The following CDA variants were observed in gnomAD, a reference collection of about 807,000 sequenced individuals.
The protein encoded by CDA is cytidine aminohydrolase.
In CDA, 7 loss-of-function variants were observed where a neutral mutation model predicts 15.0. That is an observed-to-expected ratio of 0.47 (90% CI 0.26 to 0.87). The LOEUF is 0.87. CDA is among the 40% of genes least tolerant of loss of function. The probability of loss-of-function intolerance (pLI) is 0.15; values close to 1 mark genes in which losing one functional copy is unlikely to be tolerated. For missense variants in CDA, 159 were observed against 182.7 expected, an observed-to-expected ratio of 0.87 and a Z score of 0.75; for synonymous variants, 58 against 73.0, an observed-to-expected ratio of 0.79 and a Z score of 1.05.
intron 1 of CDA, among the ~76,000 whole-genome samples, chr1:20,593,718 G>A (rs1557545276): frequency 6.6e-6 from 1 of 152,194 alleles, no homozygotes; most frequent in South Asian, 2.1e-4. Context: ...GGGACTACAG[G>A]TATGTACCAC....
Position 20,589,165 on chromosome 1 carries a change from T to G in CDA, c.36T>G (p.Pro12=), listed in dbSNP as rs2052525687. The G allele has an allele frequency of 1.2e-6, 2 of 1,614,006 alleles. No individual in the cohort carries two copies. The highest frequency in any genetic ancestry group is 1.3e-5 in the African/African-American group (1 of 74,914). Reference sequence around the variant, plus strand: ...AGCGTCCTGCCTGCACCCTGAAGCCTGAGTGTGTCCAGCAGCTGCTGGTTT... The same window carrying G: ...AGCGTCCTGCCTGCACCCTGAAGCCGGAGTGTGTCCAGCAGCTGCTGGTTT... The part of the protein sequence containing the change: ...AQKRPACTLK[P]ECVQQLLVCS... The change falls in exon 1 of 4, where the codon CCT becomes CCG. Residue 12 remains proline, a synonymous_variant. Transcript: ENST00000375071.
chr1:20,602,001 G>T (rs1242686451), intron 1 of CDA, among the ~76,000 whole-genome samples: 1 of 151,934 alleles, frequency 6.6e-6, no homozygotes, highest in East Asian at 1.9e-4. Context: ...TATACCTGTG[G>T]TACCAACTAC....
intron 2 of CDA, among the ~76,000 whole-genome samples, chr1:20,608,103 G>A (rs2052710968): frequency 6.6e-6 from 1 of 152,214 alleles, no homozygotes; most frequent in African/African-American, 2.4e-5. Context: ...GGGCAGGGTA[G>A]AGGGAGAAAG....
rs1314131378 is a variant in CDA, at chr1:20,613,697, A to G, written c.267-145A>G. ...CCACCACGTGGCCTTCTCAGCCTTC[A>G]GGACACAGTGGATCTGTGAATCAGG... On this transcript the variant is annotated intron_variant, in intron 2 of 3. Coordinates refer to ENST00000375071, the MANE Select transcript of CDA (RefSeq NM_001785.3). 10 of 763,024 alleles carry G rather than the reference A, an allele frequency of 1.3e-5. No homozygotes were observed. The African/African-American group carries it at 1.5e-4, about 12-fold the overall frequency. The allele number at this position is 763,024 out of a possible 1,614,324, so 47.3% of individuals were successfully genotyped here.
intron 3 of CDA, among the ~76,000 whole-genome samples, chr1:20,615,811 G>A (rs1474461123): frequency 1.7e-4 from 26 of 152,068 alleles, no homozygotes; most frequent in Non-Finnish European, 3.7e-4. Flanking sequence ...AACCAGCCTG[G>A]GCCACATAGT....
chr1:20,602,423 T>G (rs12022958), intron 1 of CDA, among the ~76,000 whole-genome samples: 24,726 of 151,928 alleles, frequency 0.16, 2,493 homozygotes, highest in Middle Eastern at 0.23. Context: ...TCATGGTTTT[T>G]TTTTTTTCGT....
At chr1:20,590,539 G>A (rs1017035641) in intron 1 of CDA, among the ~76,000 whole-genome samples, 1 of 152,138 alleles carries the variant, frequency 6.6e-6, no homozygotes, top group Non-Finnish European at 1.5e-5. Flanking sequence ...TCTTTCGAAA[G>A]CCTCCACATC....
intron 2 of CDA, 72 bp downstream of exon 2, chr1:20,605,111 T>C: frequency 1.2e-6 from 1 of 864,716 alleles, no homozygotes; most frequent in Non-Finnish European, 1.9e-6. Flanking sequence ...CACATATTAT[T>C]CATTCATTCA....
At position 20,615,581 on chromosome 1, in the gene CDA, C is replaced by T. The variant is rs188047106; in HGVS notation, c.324+1682C>T. On this transcript the variant is annotated intron_variant, in intron 3 of 3. Transcript: ENST00000375071. ...GGGAAGGTTTTCATGTTTATATGTA[C>T]GTTTGGGGAAAGGGGAATGTCAGTA... is the stretch of plus-strand genomic sequence containing the variant. Among the ~76,000 whole-genome samples the T allele has an allele frequency of 6.6e-5, 10 of 151,692 alleles. No homozygotes were observed. The East Asian group carries it at 1.9e-3, about 29-fold the overall frequency.
chr1:20,594,952 C>G (rs1265622205), intron 1 of CDA, among the ~76,000 whole-genome samples: 6 of 152,108 alleles, frequency 3.9e-5, no homozygotes, highest in Non-Finnish European at 7.4e-5. Context: ...CACCTGTAAC[C>G]CTAGGGGCAC....
At chr1:20,599,642 T>TAAAATAAAAC (rs2052623338) in intron 1 of CDA, among the ~76,000 whole-genome samples, 1 of 149,734 alleles carries the variant, frequency 6.7e-6, no homozygotes, top group South Asian at 2.1e-4. Context: ...TAAAATAAAA[T>TAAAATAAAAC]AAAATAAAAC....
intron 1 of CDA, among the ~76,000 whole-genome samples, chr1:20,591,801 T>C (rs2052550302): frequency 6.6e-6 from 1 of 152,150 alleles, no homozygotes; most frequent in African/African-American, 2.4e-5. Context: ...ACCCTTCACC[T>C]TTCTGAGTGT....
intron 2 of CDA, among the ~76,000 whole-genome samples, chr1:20,607,817 G>A (rs1317530477): frequency 6.6e-6 from 1 of 152,186 alleles, no homozygotes; most frequent in African/African-American, 2.4e-5. Flanking sequence ...GGATGAATGA[G>A]AAGTACCAGC....
chr1:20,613,795 C>CA (rs1385473584), intron 2 of CDA, 47 bp from the exon 3 acceptor site: 1 of 1,561,048 alleles, frequency 6.4e-7, no homozygotes, highest in African/African-American at 1.4e-5. Flanking sequence ...CAATTGTCCT[C>CA]AGTCCTTGGG....
At chr1:20,613,969 G>C (rs1252039005) in intron 3 of CDA, 70 bp downstream of exon 3, 3 of 1,439,396 alleles carry the variant, frequency 2.1e-6, no homozygotes, top group Non-Finnish European at 2.0e-6. Context: ...GCCACGCCAA[G>C]TTGCAGGCAT....
chr1:20,598,746 G>A (rs2052611597), intron 1 of CDA, among the ~76,000 whole-genome samples: 1 of 152,106 alleles, frequency 6.6e-6, no homozygotes, highest in African/African-American at 2.4e-5. Context: ...TCTAAACCTG[G>A]TTATCTCACA....
rs202011087 is a variant in CDA at position 20,589,245 on chromosome 1, G to C, written c.116G>C (p.Gly39Ala). 3.1e-6 allele frequency: 5 copies of C among 1,613,890 alleles called. No individual in the cohort carries two copies. In the East Asian group the frequency reaches 1.1e-4, roughly 36 times the overall value. ...TGCCCCTACAGTCACTTTCCTGTGG[G>C]GGCTGCCCTGCTCACCCAGGAGGGG... ...AYCPYSHFPV[G>A]AALLTQEGRI... is the part of the protein sequence containing the mutation. The change falls in exon 1 of 4, where the codon GGG becomes GCG. Residue 39 changes from glycine (G) to alanine (A), a missense_variant. Gly to Ala is a moderately conservative substitution (Grantham distance 60, BLOSUM62 0). Coordinates refer to ENST00000375071, the MANE Select transcript of CDA (RefSeq NM_001785.3).
intron 2 of CDA, among the ~76,000 whole-genome samples, chr1:20,607,250 G>A (rs2052702010): frequency 6.6e-6 from 1 of 152,198 alleles, no homozygotes; most frequent in Admixed American, 6.5e-5. Flanking sequence ...CCTACACTTT[G>A]CCTCAGTCTG....
chr1:20,600,559 C>T (rs1249591232), intron 1 of CDA, among the ~76,000 whole-genome samples: 1 of 152,002 alleles, frequency 6.6e-6, no homozygotes, highest in Non-Finnish European at 1.5e-5. Flanking sequence ...AGTTCAAGAC[C>T]AGCCTGAACA....
Sources: allele counts gnomAD v4.1 joint callset (sites outside exome capture counted in the v4.1 genomes callset), GRCh38; gene constraint gnomAD v4.1.1; transcripts MANE v1.5; gene names NCBI Gene and HGNC (gene_info 2026-07-23, HGNC 2026-07-21).